The following PRH1 variants were observed in gnomAD, a reference collection of about 807,000 sequenced individuals.
PRH1 encodes the protein salivary acidic proline-rich phosphoprotein 1/2.
A neutral mutation model predicts 7.9 loss-of-function variants in PRH1; 7 were observed. The ratio of observed to expected loss-of-function variants is 0.89; its 90% CI spans 0.50 to 1.67. The LOEUF (loss-of-function observed/expected upper bound fraction) is 1.67. Among genes scored for constraint, PRH1 ranks in the 40% most tolerant of loss-of-function variants. The pLI is 0.00. For missense variants in PRH1, 109 were observed against 223.6 expected (o/e 0.49, Z 3.27); for synonymous variants, 45 against 80.8 (o/e 0.56, Z 2.38).
At chr12:11,016,732 T>G (rs1429965479) in intron 1 of PRH1, among the ~76,000 whole-genome samples, 1 of 152,202 alleles carries the variant, frequency 6.6e-6, no homozygotes, top group Non-Finnish European at 1.5e-5. Context: ...TTATTGCCTC[T>G]TCTTGAATGT....
At chr12:11,002,647 T>G (rs1488243925) in intron 1 of PRH1, among the ~76,000 whole-genome samples, 1 of 152,084 alleles carries the variant, frequency 6.6e-6, no homozygotes, top group Non-Finnish European at 1.5e-5. Context: ...TTATTTACAA[T>G]CTCAGCTACT....
chr12:10,980,136 A>G (rs1190083575), intron 1 of PRH1, among the ~76,000 whole-genome samples: 1 of 152,190 alleles, frequency 6.6e-6, no homozygotes, highest in African/African-American at 2.4e-5. Context: ...GCCAAAAGAG[A>G]AAGAAAAAAC....
intron 1 of PRH1, among the ~76,000 whole-genome samples, chr12:11,128,743 T>C (rs1020381999): frequency 6.6e-6 from 1 of 150,862 alleles, no homozygotes; most frequent in Non-Finnish European, 1.5e-5. Flanking sequence ...AGACTCCGTA[T>C]CAAAATAACA....
At chr12:11,035,715 C>A (rs1215314034) in intron 1 of PRH1, among the ~76,000 whole-genome samples, 2 of 152,080 alleles carry the variant, frequency 1.3e-5, no homozygotes, top group African/African-American at 4.8e-5. Flanking sequence ...GATTTGATGT[C>A]AGTAGCTTTT....
chr12:11,001,164 A>C (rs10772410), intron 1 of PRH1, among the ~76,000 whole-genome samples: 1 of 150,912 alleles, frequency 6.6e-6, no homozygotes, highest in Non-Finnish European at 1.5e-5. Context: ...TTTTTTTTTT[A>C]GGGGGGGATA....
intron 1 of PRH1, among the ~76,000 whole-genome samples, chr12:10,981,529 C>T (rs1024412329): frequency 5.3e-5 from 8 of 151,824 alleles, no homozygotes; most frequent in African/African-American, 1.9e-4. Flanking sequence ...GCAACACCAC[C>T]ACACCTGGCT....
At chr12:11,161,129 T>G (rs1442015626) in intron 1 of PRH1, among the ~76,000 whole-genome samples, 2 of 152,196 alleles carry the variant, frequency 1.3e-5, no homozygotes, top group East Asian at 1.9e-4. Flanking sequence ...GCACCTTTTC[T>G]GCTCCTGGCT....
intron 1 of PRH1, among the ~76,000 whole-genome samples, chr12:11,099,870 G>C (rs376740620): frequency 6.6e-6 from 1 of 152,150 alleles, no homozygotes; most frequent in African/African-American, 2.4e-5. Flanking sequence ...TTGAGGAGCC[G>C]AAAGAAAAAG....
intron 1 of PRH1, among the ~76,000 whole-genome samples, chr12:11,002,248 C>T (rs1940627434): frequency 6.6e-6 from 1 of 152,018 alleles, no homozygotes. Flanking sequence ...ATGATAATGT[C>T]AGTTAAAAGG....
chr12:10,938,282 C>T (rs1565484485), intron 2 of PRH1: 2 of 1,606,950 alleles, frequency 1.2e-6, no homozygotes, highest in Middle Eastern at 3.3e-4. Context: ...TTCTTTGTGA[C>T]CTGAGGGCTC....
At chr12:10,948,185 G>A (rs918529071) in intron 2 of PRH1, among the ~76,000 whole-genome samples, 6 of 152,184 alleles carry the variant, frequency 3.9e-5, no homozygotes, top group African/African-American at 1.4e-4. Flanking sequence ...TAGCAAGGTT[G>A]GGAAAGAGTT....
chr12:11,157,726 A>G (rs773966425), intron 1 of PRH1, among the ~76,000 whole-genome samples: 29 of 152,200 alleles, frequency 1.9e-4, no homozygotes, highest in Non-Finnish European at 2.9e-4. Flanking sequence ...CTTACCCACA[A>G]TAATAATCTT....
upstream of PRH1, among the ~76,000 whole-genome samples, chr12:11,049,977 C>T (rs570902689): frequency 7.0e-4 from 107 of 152,198 alleles, no homozygotes; most frequent in Non-Finnish European, 1.3e-3. Context: ...AATTGGAAAA[C>T]GAGTTTCCCC....
intron 1 of PRH1, among the ~76,000 whole-genome samples, chr12:11,070,461 C>G (rs1190680747): frequency 6.8e-6 from 1 of 147,426 alleles, no homozygotes; most frequent in East Asian, 2.0e-4. Context: ...ACATATAAAA[C>G]CACAAGTCAA....
At chr12:11,014,756 TG>T (rs753500661) in intron 1 of PRH1, among the ~76,000 whole-genome samples, 1 of 152,158 alleles carries the variant, frequency 6.6e-6, no homozygotes, top group African/African-American at 2.4e-5. Flanking sequence ...CTCAAAGACC[TG>T]TAGCCATTTC....
At chr12:11,137,037 C>T (rs1337294573) in intron 1 of PRH1, among the ~76,000 whole-genome samples, 1 of 152,126 alleles carries the variant, frequency 6.6e-6, no homozygotes, top group East Asian at 1.9e-4. Flanking sequence ...TTGGAAGAAA[C>T]CGGAAATTGA....
At chr12:11,104,157 A>G (rs1259742158) in intron 1 of PRH1, among the ~76,000 whole-genome samples, 2 of 149,906 alleles carry the variant, frequency 1.3e-5, no homozygotes, top group Non-Finnish European at 3.0e-5. Flanking sequence ...GATACTTCGC[A>G]CAGATAAGAT....
intron 1 of PRH1, among the ~76,000 whole-genome samples, chr12:11,012,877 A>ACT (rs1344539101): frequency 2.0e-5 from 3 of 152,228 alleles, no homozygotes; most frequent in African/African-American, 7.2e-5. Flanking sequence ...TTTGAGCAGA[A>ACT]TACAGAAGGT....
chr12:11,108,786 C>T (rs1226425348), intron 1 of PRH1, among the ~76,000 whole-genome samples: 2 of 152,140 alleles, frequency 1.3e-5, no homozygotes, highest in African/African-American at 4.8e-5. Flanking sequence ...TTTTGTCATA[C>T]CCCAGTGGTG....
Sources: gnomAD v4.1 joint callset for allele counts (sites outside exome capture counted in the v4.1 genomes callset) on GRCh38, gnomAD v4.1.1 for gene constraint, MANE v1.5 for transcripts, NCBI Gene and HGNC (gene_info 2026-07-23, HGNC 2026-07-21) for gene names.